Variants in SLC35D4 observed in about 807,000 individuals in gnomAD.
SLC35D4 encodes the protein UDP-N-acetylglucosamine transporter SLC35D4.
At chr18:23,248,333 G>A in the SLC35D4 span, among the ~76,000 whole-genome samples, 12 of 152,198 alleles carry the variant, frequency 7.9e-5, no homozygotes, top group African/African-American at 2.2e-4. Flanking sequence ...AGAATACAGC[G>A]TGTGCAGCAG....
the SLC35D4 span, among the ~76,000 whole-genome samples, chr18:23,417,132 C>T: frequency 6.6e-6 from 1 of 151,870 alleles, no homozygotes; most frequent in Non-Finnish European, 1.5e-5. Context: ...GTCCCAGTCA[C>T]TTGGGAAACT....
the SLC35D4 span, chr18:23,260,543 A>C: frequency 6.6e-6 from 1 of 152,522 alleles, no homozygotes; most frequent in Non-Finnish European, 1.5e-5. Context: ...TGCCCTCCCC[A>C]GCCCTGGCTG....
chr18:23,310,585 CT>C, the SLC35D4 span, among the ~76,000 whole-genome samples: 7 of 152,114 alleles, frequency 4.6e-5, no homozygotes, highest in Admixed American at 4.6e-4. Context: ...AAACTGCTTT[CT>C]TGCAGTGAGA....
chr18:23,344,887 A>G, the SLC35D4 span, among the ~76,000 whole-genome samples: 6 of 152,140 alleles, frequency 3.9e-5, no homozygotes, highest in African/African-American at 1.4e-4. Flanking sequence ...GGCGTGAGCC[A>G]CAGCACCTAG....
the SLC35D4 span, chr18:23,370,329 GA>G: frequency 2.6e-6 from 4 of 1,536,734 alleles, no homozygotes; most frequent in Non-Finnish European, 3.5e-6. Context: ...CCTGTCCGGG[GA>G]CACACAAAAT....
chr18:23,291,564 G>A, the SLC35D4 span, among the ~76,000 whole-genome samples: 20 of 152,282 alleles, frequency 1.3e-4, no homozygotes, highest in African/African-American at 4.8e-4. Flanking sequence ...AGCCTCCTTC[G>A]TGAGTTGAGT....
the SLC35D4 span, among the ~76,000 whole-genome samples, chr18:23,435,933 C>T: frequency 6.6e-6 from 1 of 151,952 alleles, no homozygotes; most frequent in African/African-American, 2.4e-5. Context: ...TGATTTCAAG[C>T]GATCCGCTCA....
At chr18:23,395,424 T>C in the SLC35D4 span, among the ~76,000 whole-genome samples, 2 of 152,170 alleles carry the variant, frequency 1.3e-5, no homozygotes, top group Non-Finnish European at 2.9e-5. Context: ...GAGTGAATAT[T>C]GTGCTCATGG....
the SLC35D4 span, among the ~76,000 whole-genome samples, chr18:23,306,313 A>C: frequency 8.8e-5 from 13 of 148,406 alleles, no homozygotes; most frequent in South Asian, 2.1e-4. Context: ...TCTTCTTCTT[A>C]TTTTTTTTTT....
the SLC35D4 span, among the ~76,000 whole-genome samples, chr18:23,354,922 A>G: frequency 6.6e-6 from 1 of 152,044 alleles, no homozygotes; most frequent in Admixed American, 6.5e-5. Flanking sequence ...ACCCCTTGCT[A>G]GGGAGGCAGA....
the SLC35D4 span, among the ~76,000 whole-genome samples, chr18:23,243,951 A>G: frequency 4.0e-5 from 6 of 151,644 alleles, no homozygotes; most frequent in Non-Finnish European, 8.8e-5. Flanking sequence ...CTCTCTATGT[A>G]TTTGTCTCAG....
the SLC35D4 span, among the ~76,000 whole-genome samples, chr18:23,334,779 T>C: frequency 5.9e-5 from 9 of 151,958 alleles, no homozygotes; most frequent in Non-Finnish European, 1.2e-4. Flanking sequence ...GGCAGGCGGA[T>C]CACTTGAGGT....
chr18:23,256,271 G>T, the SLC35D4 span, among the ~76,000 whole-genome samples: 1 of 152,192 alleles, frequency 6.6e-6, no homozygotes, highest in South Asian at 2.1e-4. Flanking sequence ...TTCCTTTCCA[G>T]CTCCAGCAGC....
the SLC35D4 span, among the ~76,000 whole-genome samples, chr18:23,430,337 G>T: frequency 2.6e-5 from 4 of 151,948 alleles, no homozygotes; most frequent in African/African-American, 9.7e-5. Context: ...GCCTCCCAAA[G>T]CGCTGGTATT....
chr18:23,277,786 T>C, the SLC35D4 span, among the ~76,000 whole-genome samples: 1 of 152,102 alleles, frequency 6.6e-6, no homozygotes, highest in South Asian at 2.1e-4. Context: ...CTGGGGGTGA[T>C]TTTTGCTAAA....
the SLC35D4 span, among the ~76,000 whole-genome samples, chr18:23,391,527 T>C: frequency 6.6e-6 from 1 of 152,196 alleles, no homozygotes; most frequent in Non-Finnish European, 1.5e-5. Flanking sequence ...TAAGTTGACT[T>C]TTTTTGCTAG....
At chr18:23,266,450 T>C in the SLC35D4 span, among the ~76,000 whole-genome samples, 1 of 150,706 alleles carries the variant, frequency 6.6e-6, no homozygotes, top group Non-Finnish European at 1.5e-5. Context: ...GAGAAAGAGA[T>C]TGGAGCACAG....
the SLC35D4 span, among the ~76,000 whole-genome samples, chr18:23,396,369 C>T: frequency 6.6e-6 from 1 of 152,120 alleles, no homozygotes; most frequent in Non-Finnish European, 1.5e-5. Context: ...ATATTGATGC[C>T]TGTTTTCTAT....
At chr18:23,246,273 A>G in the SLC35D4 span, among the ~76,000 whole-genome samples, 1 of 152,012 alleles carries the variant, frequency 6.6e-6, no homozygotes, top group Non-Finnish European at 1.5e-5. Flanking sequence ...CTCAAAAAAA[A>G]AAAAGAAAAC....
Sources: allele counts gnomAD v4.1 joint callset (sites outside exome capture counted in the v4.1 genomes callset), GRCh38; gene constraint gnomAD v4.1.1; transcripts MANE v1.5; gene names NCBI Gene and HGNC (gene_info 2026-07-23, HGNC 2026-07-21).